The following ZNF804A variants were observed in gnomAD, a reference collection of about 807,000 sequenced individuals.
The protein encoded by ZNF804A is zinc finger protein 804A.
A neutral mutation model predicts 16.5 loss-of-function variants in ZNF804A; 2 were observed. That is an observed-to-expected ratio of 0.12 (90% CI 0.05 to 0.38). ZNF804A has a LOEUF of 0.38. Ranked by LOEUF, ZNF804A falls within the 10% of genes least tolerant of loss-of-function variation. The pLI, the probability that ZNF804A is intolerant of heterozygous loss-of-function variation, is 0.99. For synonymous variants in ZNF804A, 534 were observed against 489.6 expected (o/e 1.09, Z -1.20); for missense variants, 1,473 against 1,390.7 (o/e 1.06, Z -0.94).
At chr2:184,757,560 T>G (rs767460404) in intron 1 of ZNF804A, among the ~76,000 whole-genome samples, 2 of 152,016 alleles carry the variant, frequency 1.3e-5, no homozygotes, top group Non-Finnish European at 2.9e-5. Context: ...TGCTTTTCTC[T>G]TTCAGTCTTT....
At chr2:184,772,821 G>A (rs1399549822) in intron 1 of ZNF804A, among the ~76,000 whole-genome samples, 5 of 150,716 alleles carry the variant, frequency 3.3e-5, no homozygotes, top group East Asian at 4.0e-4. Context: ...TGTCTTTTTT[G>A]TAATAGACAT....
intron 1 of ZNF804A, among the ~76,000 whole-genome samples, chr2:184,854,130 A>G (rs1695650227): frequency 6.6e-6 from 1 of 151,910 alleles, no homozygotes; most frequent in Non-Finnish European, 1.5e-5. Context: ...CAGAGTTTCT[A>G]TTACAGGTGG....
chr2:184,621,825 G>T (rs1254829725), intron 1 of ZNF804A, among the ~76,000 whole-genome samples: 2 of 151,370 alleles, frequency 1.3e-5, no homozygotes, highest in African/African-American at 4.8e-5. Flanking sequence ...TAATTTGAAG[G>T]CCTTCTTAAT....
chr2:184,758,129 G>C (rs1490309217), intron 1 of ZNF804A, among the ~76,000 whole-genome samples: 1 of 151,890 alleles, frequency 6.6e-6, no homozygotes, highest in Non-Finnish European at 1.5e-5. Context: ...GGGGAAATTT[G>C]ACATCTCTTT....
intron 1 of ZNF804A, among the ~76,000 whole-genome samples, chr2:184,700,637 A>G (rs1692904746): frequency 6.6e-6 from 1 of 152,094 alleles, no homozygotes; most frequent in African/African-American, 2.4e-5. Context: ...AAGACAAACT[A>G]AAGACAGCAA....
intron 1 of ZNF804A, among the ~76,000 whole-genome samples, chr2:184,639,835 T>C (rs1484442033): frequency 6.6e-6 from 1 of 151,984 alleles, no homozygotes; most frequent in Non-Finnish European, 1.5e-5. Flanking sequence ...ACCCCGTCTC[T>C]ACTAAAAATA....
chr2:184,911,480 A>C (rs1422463816), intron 2 of ZNF804A, among the ~76,000 whole-genome samples: 2 of 152,066 alleles, frequency 1.3e-5, no homozygotes, highest in Non-Finnish European at 2.9e-5. Flanking sequence ...TATCCATTTT[A>C]GAATAGTATT....
At chr2:184,635,018 T>C (rs1691673284) in intron 1 of ZNF804A, among the ~76,000 whole-genome samples, 1 of 152,192 alleles carries the variant, frequency 6.6e-6, no homozygotes, top group Admixed American at 6.5e-5. Context: ...TATCTTTCCT[T>C]GCATTAAAGA....
intron 1 of ZNF804A, among the ~76,000 whole-genome samples, chr2:184,785,389 C>A (rs1283786047): frequency 6.6e-6 from 1 of 151,934 alleles, no homozygotes; most frequent in Non-Finnish European, 1.5e-5. Context: ...TCCAACCACA[C>A]GTTTGGATAG....
intron 1 of ZNF804A, among the ~76,000 whole-genome samples, chr2:184,674,491 C>T (rs1310731002): frequency 6.6e-6 from 1 of 151,450 alleles, no homozygotes; most frequent in Non-Finnish European, 1.5e-5. Context: ...AATCAAGAGA[C>T]AAAATTTGAA....
intron 1 of ZNF804A, among the ~76,000 whole-genome samples, chr2:184,652,343 A>G (rs949522818): frequency 1.3e-5 from 2 of 152,186 alleles, no homozygotes; most frequent in African/African-American, 4.8e-5. Context: ...TACTATGTTC[A>G]GTACCTGCAT....
At chr2:184,769,995 A>G (rs1694187285) in intron 1 of ZNF804A, among the ~76,000 whole-genome samples, 1 of 152,090 alleles carries the variant, frequency 6.6e-6, no homozygotes, top group South Asian at 2.1e-4. Flanking sequence ...TAAAGTTATA[A>G]TTTTGAGTTT....
chr2:184,808,335 T>C (rs1186735575), intron 1 of ZNF804A, among the ~76,000 whole-genome samples: 7 of 151,650 alleles, frequency 4.6e-5, no homozygotes, highest in Non-Finnish European at 8.9e-5. Flanking sequence ...TTTTTGAAAA[T>C]ACAACTTATT....
intron 1 of ZNF804A, among the ~76,000 whole-genome samples, chr2:184,708,541 A>G (rs978058748): frequency 6.6e-6 from 1 of 152,116 alleles, no homozygotes; most frequent in South Asian, 2.1e-4. Flanking sequence ...AAAATAAGCA[A>G]TGAGGAAAGG....
intron 1 of ZNF804A, among the ~76,000 whole-genome samples, chr2:184,742,094 G>A (rs1693717034): frequency 1.3e-5 from 2 of 152,054 alleles, no homozygotes; most frequent in African/African-American, 2.4e-5. Flanking sequence ...AAGTAGCCCT[G>A]TTGGTGTAAG....
At chr2:184,725,962 G>A (rs1282604649) in intron 1 of ZNF804A, among the ~76,000 whole-genome samples, 4 of 151,654 alleles carry the variant, frequency 2.6e-5, no homozygotes, top group African/African-American at 9.7e-5. Context: ...CATTCATTTA[G>A]AGATGATAGC....
intron 1 of ZNF804A, among the ~76,000 whole-genome samples, chr2:184,792,337 C>T (rs1694560311): frequency 6.6e-6 from 1 of 152,092 alleles, no homozygotes; most frequent in Admixed American, 6.6e-5. Context: ...TTGGTGTTGT[C>T]AATGTTTTGG....
intron 1 of ZNF804A, among the ~76,000 whole-genome samples, chr2:184,695,160 CAT>C (rs1436534360): frequency 6.6e-6 from 1 of 152,048 alleles, no homozygotes; most frequent in South Asian, 2.1e-4. Context: ...ATCAACAAAA[CAT>C]ATAGAATGAC....
chr2:184,805,144 C>A (rs907765563), intron 1 of ZNF804A, among the ~76,000 whole-genome samples: 1 of 152,122 alleles, frequency 6.6e-6, no homozygotes, highest in Admixed American at 6.5e-5. Context: ...GCTTAAGTTC[C>A]TTGAATTACA....
Sources: gnomAD v4.1 joint callset for allele counts (sites outside exome capture counted in the v4.1 genomes callset) on GRCh38, gnomAD v4.1.1 for gene constraint, MANE v1.5 for transcripts, NCBI Gene and HGNC (gene_info 2026-07-23, HGNC 2026-07-21) for gene names.